LAMA2: variants seen among roughly 807,000 people sequenced by gnomAD.
LAMA2 encodes the protein laminin subunit alpha-2.
In LAMA2, 269 loss-of-function variants were observed where a neutral mutation model predicts 364.8. That is an observed-to-expected ratio of 0.74 (90% CI 0.67 to 0.82). The LOEUF (loss-of-function observed/expected upper bound fraction) is 0.82, where lower values mean the gene tolerates loss of function less well. LAMA2 is among the 40% of genes least tolerant of loss of function. LAMA2 has a pLI of 0.00. For missense variants in LAMA2, 3,807 were observed against 3,873.2 expected, an observed-to-expected ratio of 0.98 and a Z score of 0.45; for synonymous variants, 1,379 against 1,370.6, an observed-to-expected ratio of 1.01 and a Z score of -0.14.
intron 1 of LAMA2, among the ~76,000 whole-genome samples, chr6:129,039,184 A>G (rs566243354): frequency 7.7e-4 from 118 of 152,338 alleles, no homozygotes; most frequent in African/African-American, 2.4e-3. Context: ...TAATATACGG[A>G]CACCAAGAAA....
chr6:129,059,143 A>G (rs1352652362), intron 2 of LAMA2, among the ~76,000 whole-genome samples: 2 of 152,200 alleles, frequency 1.3e-5, no homozygotes, highest in African/African-American at 2.4e-5. Flanking sequence ...GTATCAGAGT[A>G]AAACTTATTT....
intron 34 of LAMA2, among the ~76,000 whole-genome samples, chr6:129,374,509 G>T (rs1438207681): frequency 4.6e-5 from 7 of 151,952 alleles, no homozygotes; most frequent in Non-Finnish European, 1.0e-4. Context: ...AAGAATTACT[G>T]TGATCCTGTA....
Position 129,475,391 on chromosome 6 carries a change from A to G in LAMA2, c.7441A>G (p.Met2481Val). ...TTTTTCCTCTTTCCCGTTATCTAGT[A>G]TGAAAGCAAGGTAAAATTTAAATTT... ...GGLPTLRNLS[M>V]KARPEVNLKK... is the part of the protein sequence containing the mutation. Residue 2481 changes from methionine (M) to valine (V), a missense_variant and splice_region_variant, in exon 53 of 65, where the codon ATG (methionine) becomes GTG (valine). Met to Val is a conservative substitution (Grantham distance 21). Transcript: ENST00000421865. 6.4e-7 allele frequency: 1 copy of G among 1,553,746 alleles called. No individual in the cohort carries two copies. The highest frequency in any genetic ancestry group is 8.8e-7 in the Non-Finnish European group (1 of 1,136,196).
At chr6:128,931,860 G>T (rs11970719) in intron 1 of LAMA2, among the ~76,000 whole-genome samples, 19,434 of 151,888 alleles carry the variant, frequency 0.13, 1,567 homozygotes, top group African/African-American at 0.23. Flanking sequence ...TACTTTCCAC[G>T]GGGACTGTTA....
At chr6:129,237,251 T>C (rs2115145827) in intron 12 of LAMA2, among the ~76,000 whole-genome samples, 1 of 152,352 alleles carries the variant, frequency 6.6e-6, no homozygotes, top group Admixed American at 6.5e-5. Flanking sequence ...ATTTTTAACA[T>C]GTTTAATTGC....
intron 53 of LAMA2, 106 bp from the exon 54 acceptor site, chr6:129,478,587 T>C: frequency 8.7e-7 from 1 of 1,151,356 alleles, no homozygotes; most frequent in Non-Finnish European, 1.3e-6. Flanking sequence ...TTGATAGACA[T>C]GTGCCTGCAT....
At chr6:128,916,836 C>T (rs949386799) in intron 1 of LAMA2, among the ~76,000 whole-genome samples, 25 of 152,156 alleles carry the variant, frequency 1.6e-4, no homozygotes, top group African/African-American at 6.0e-4. Flanking sequence ...AACCTGTTGG[C>T]CCTCCAGCTG....
intron 4 of LAMA2, among the ~76,000 whole-genome samples, chr6:129,122,280 G>T (rs55882567): frequency 0.014 from 2,080 of 152,188 alleles, 28 homozygotes; most frequent in South Asian, 0.03. Context: ...TCTTATATGA[G>T]AACTTATTCC....
intron 40 of LAMA2, among the ~76,000 whole-genome samples, chr6:129,426,533 A>G (rs1781334744): frequency 6.6e-6 from 1 of 152,050 alleles, no homozygotes; most frequent in Non-Finnish European, 1.5e-5. Flanking sequence ...AGAGAACTGT[A>G]GCAATGAGAA....
chr6:129,098,158 G>A lies in LAMA2; in HGVS notation c.397-15G>A, dbSNP rs188045427. On this transcript the variant is annotated splice_polypyrimidine_tract_variant and intron_variant, in intron 3 of 64. Coordinates refer to ENST00000421865, the MANE Select transcript of LAMA2 (RefSeq NM_000426.4). ...TTGGGAATTCAATGTTATTGTTGTT[G>A]TTATACTTCCCTAGGTGTTCCAGAT... The A allele has an allele frequency of 2.0e-4, 318 of 1,613,682 alleles. No individual in the cohort carries two copies. In the African/African-American group the frequency reaches 3.8e-3, roughly 19 times the overall value.
At chr6:129,325,120 A>G (rs1352913110) in intron 28 of LAMA2, among the ~76,000 whole-genome samples, 1 of 152,226 alleles carries the variant, frequency 6.6e-6, no homozygotes, top group East Asian at 1.9e-4. Context: ...AGTCTGCTTC[A>G]TTCTCTCCTC....
At chr6:129,246,124 A>G (rs907384821) in intron 12 of LAMA2, among the ~76,000 whole-genome samples, 8 of 152,218 alleles carry the variant, frequency 5.3e-5, no homozygotes, top group African/African-American at 1.9e-4. Flanking sequence ...AGAATCACTT[A>G]CTGATGGGAT....
intron 58 of LAMA2, among the ~76,000 whole-genome samples, chr6:129,501,422 A>G (rs1785627987): frequency 6.6e-6 from 1 of 152,232 alleles, no homozygotes; most frequent in South Asian, 2.1e-4. Context: ...CATGAAGACC[A>G]ATTTTACGGC....
At position 129,297,671 on chromosome 6, in the gene LAMA2, T is replaced by A. The variant is rs535718824; in HGVS notation, c.2857-14T>A. 1.4e-4 allele frequency: 222 copies of A among 1,612,844 alleles called. 5 individuals are homozygous for A. The South Asian group carries it at 2.4e-3, about 17-fold the overall frequency. On this transcript the variant is annotated splice_polypyrimidine_tract_variant and intron_variant, in intron 20 of 64. Coordinates refer to ENST00000421865, the MANE Select transcript of LAMA2 (RefSeq NM_000426.4). ...TGATTTAAATTTAATTTTTCTCTCC[T>A]CTTCCATTGCCAGGCTGGGACCTTT... is the stretch of plus-strand genomic sequence containing the variant.
intron 15 of LAMA2, among the ~76,000 whole-genome samples, chr6:129,263,150 C>T (rs557720127): frequency 2.6e-5 from 4 of 152,172 alleles, no homozygotes; most frequent in South Asian, 2.1e-4. Flanking sequence ...TTTGTTTGTT[C>T]GTACTTTCAT....
chr6:128,914,559 A>C (rs1417047294), intron 1 of LAMA2, among the ~76,000 whole-genome samples: 8 of 152,210 alleles, frequency 5.3e-5, no homozygotes. Context: ...ATTTTAAAAT[A>C]GCTATGCTCA....
intron 37 of LAMA2, among the ~76,000 whole-genome samples, chr6:129,400,167 G>T (rs1779889118): frequency 6.6e-6 from 1 of 152,174 alleles, no homozygotes; most frequent in Non-Finnish European, 1.5e-5. Flanking sequence ...GGATGAACAA[G>T]CTCCTTCAGG....
chr6:128,975,964 C>T (rs1010794565), intron 1 of LAMA2, among the ~76,000 whole-genome samples: 2 of 152,120 alleles, frequency 1.3e-5, no homozygotes, highest in African/African-American at 4.8e-5. Context: ...TCATGAAACG[C>T]TTTGTGAGCC....
intron 20 of LAMA2, among the ~76,000 whole-genome samples, chr6:129,293,914 A>G (rs1208638618): frequency 6.6e-6 from 1 of 152,356 alleles, no homozygotes; most frequent in Non-Finnish European, 1.5e-5. Context: ...TCCTGGCCTC[A>G]TTACTTCCTA....
Sources: gnomAD v4.1 joint callset for allele counts (sites outside exome capture counted in the v4.1 genomes callset) on GRCh38, gnomAD v4.1.1 for gene constraint, MANE v1.5 for transcripts, NCBI Gene and HGNC (gene_info 2026-07-23, HGNC 2026-07-21) for gene names.